The following DSCAM variants were observed in gnomAD, a reference collection of about 807,000 sequenced individuals.
The protein encoded by DSCAM is DS cell adhesion molecule.
In DSCAM, 47 loss-of-function variants were observed where a neutral mutation model predicts 217.7. The ratio of observed to expected loss-of-function variants is 0.22; its 90% CI spans 0.17 to 0.28. The LOEUF (loss-of-function observed/expected upper bound fraction) is 0.28. DSCAM is among the 10% of genes least tolerant of loss of function. The pLI is 1.00. For synonymous variants in DSCAM, 1,056 were observed against 1,015.3 expected, an observed-to-expected ratio of 1.04 and a Z score of -0.76; for missense variants, 2,080 against 2,618.3, an observed-to-expected ratio of 0.79 and a Z score of 4.49.
chr21:40,127,866 C>A (rs919826731), intron 19 of DSCAM, among the ~76,000 whole-genome samples: 7 of 152,114 alleles, frequency 4.6e-5, no homozygotes, highest in African/African-American at 1.7e-4. Context: ...CAACACTGAG[C>A]TCTGTTTCAG....
chr21:40,410,778 AAAGT>A, intron 3 of DSCAM, among the ~76,000 whole-genome samples: 1 of 152,172 alleles, frequency 6.6e-6, no homozygotes, highest in Middle Eastern at 3.4e-3. Flanking sequence ...AAAATTCAAA[AAAGT>A]AAGTAAAGTT....
intron 3 of DSCAM, among the ~76,000 whole-genome samples, chr21:40,616,178 G>A (rs1428892263): frequency 6.6e-6 from 1 of 152,194 alleles, no homozygotes; most frequent in African/African-American, 2.4e-5. Context: ...CAGAATGACT[G>A]GGAAGTTTTT....
intron 3 of DSCAM, among the ~76,000 whole-genome samples, chr21:40,376,963 G>C (rs954725058): frequency 4.6e-5 from 7 of 151,970 alleles, no homozygotes; most frequent in Non-Finnish European, 8.8e-5. Context: ...TTTGGAAATA[G>C]GGTCAGTCAC....
At chr21:40,104,529 G>C (rs1011839200) in intron 20 of DSCAM, among the ~76,000 whole-genome samples, 2 of 152,176 alleles carry the variant, frequency 1.3e-5, no homozygotes, top group Non-Finnish European at 1.5e-5. Flanking sequence ...TTTGGAGACA[G>C]TAAAAAGATC....
chr21:40,625,419 CTG>C (rs1309543121), intron 3 of DSCAM, among the ~76,000 whole-genome samples: 2 of 152,162 alleles, frequency 1.3e-5, no homozygotes, highest in Non-Finnish European at 1.5e-5. Context: ...GCCCACCATC[CTG>C]TGTCTAGGAG....
At chr21:40,510,259 AAAG>A (rs1412864649) in intron 3 of DSCAM, among the ~76,000 whole-genome samples, 1 of 152,216 alleles carries the variant, frequency 6.6e-6, no homozygotes, top group East Asian at 1.9e-4. Context: ...CTTCTAAAAA[AAAG>A]ACTATGAAAT....
intron 3 of DSCAM, among the ~76,000 whole-genome samples, chr21:40,435,778 C>T (rs2145904738): frequency 6.6e-6 from 1 of 152,282 alleles, no homozygotes; most frequent in African/African-American, 2.4e-5. Context: ...CAGTTCCTGT[C>T]CGATGGTTTG....
At chr21:40,184,953 A>G (rs1345889646) in intron 14 of DSCAM, among the ~76,000 whole-genome samples, 1 of 152,154 alleles carries the variant, frequency 6.6e-6, no homozygotes, top group Non-Finnish European at 1.5e-5. Context: ...ACAACGAGGA[A>G]GGCGTTTTCA....
chr21:40,774,988 ATAATTT>A (rs1052859672), intron 1 of DSCAM, among the ~76,000 whole-genome samples: 47 of 94,442 alleles, frequency 5.0e-4, no homozygotes, highest in African/African-American at 1.4e-3. Context: ...ACATATAATT[ATAATTT>A]TTACAAAATA....
chr21:40,114,307 T>C (rs1355578810), intron 20 of DSCAM, among the ~76,000 whole-genome samples: 1 of 150,006 alleles, frequency 6.7e-6, no homozygotes, highest in Non-Finnish European at 1.5e-5. Flanking sequence ...AAACAAGCAA[T>C]GGGGAAAGGA....
At chr21:40,137,726 T>C (rs905351050) in intron 18 of DSCAM, among the ~76,000 whole-genome samples, 12 of 152,022 alleles carry the variant, frequency 7.9e-5, no homozygotes, top group African/African-American at 2.9e-4. Context: ...AGAAATCAGA[T>C]TTTTTCTATT....
In DSCAM at chr21:40,697,930, T is replaced by C. The variant is rs115405290; in HGVS notation, c.362-4974A>G. Among the ~76,000 whole-genome samples the C allele has an allele frequency of 9.0e-3, 1,376 of 152,290 alleles. 21 individuals are homozygous for C. Among genetic ancestry groups the C allele is most frequent in the African/African-American group, 0.031 (1,304 of 41,544 alleles). ...TAGATCACTTTGAGTAGTATAGATA[T>C]TTTAACACTATTAATTCTTCCAATC... On this transcript the variant is annotated intron_variant, in intron 2 of 32. Coordinates refer to ENST00000400454, the MANE Select transcript of DSCAM (RefSeq NM_001389.5).
At chr21:40,295,579 G>A (rs2073945309) in intron 10 of DSCAM, among the ~76,000 whole-genome samples, 1 of 152,152 alleles carries the variant, frequency 6.6e-6, no homozygotes, top group African/African-American at 2.4e-5. Flanking sequence ...CGTGTAATCT[G>A]TATATTCTAA....
intron 11 of DSCAM, among the ~76,000 whole-genome samples, chr21:40,227,385 T>C (rs1468786421): frequency 1.3e-5 from 2 of 152,348 alleles, no homozygotes; most frequent in East Asian, 1.9e-4. Flanking sequence ...TTATGGCATG[T>C]TAACCAACTC....
At chr21:40,306,647 C>T (rs2074080509) in intron 9 of DSCAM, among the ~76,000 whole-genome samples, 2 of 151,568 alleles carry the variant, frequency 1.3e-5, no homozygotes, top group African/African-American at 2.4e-5. Flanking sequence ...GAGTTTTTAG[C>T]ATGAAGGGTT....
At chr21:40,616,911 G>A (rs2089403103) in intron 3 of DSCAM, among the ~76,000 whole-genome samples, 2 of 149,296 alleles carry the variant, frequency 1.3e-5, no homozygotes, top group African/African-American at 4.9e-5. Context: ...CAGCTACTTG[G>A]GAGGCTGAGG....
chr21:40,700,714 AT>A (rs2090646658), intron 2 of DSCAM, among the ~76,000 whole-genome samples: 1 of 148,772 alleles, frequency 6.7e-6, no homozygotes, highest in African/African-American at 2.5e-5. Context: ...TTTGTTTATA[AT>A]TTTTATTCTT....
intron 1 of DSCAM, among the ~76,000 whole-genome samples, chr21:40,840,749 C>T (rs78547905): frequency 2.8e-4 from 42 of 152,086 alleles, no homozygotes; most frequent in Non-Finnish European, 5.1e-4. Context: ...CAAAAGAGTC[C>T]AGTGGTTTAG....
chr21:40,235,179 C>T (rs888883805), intron 11 of DSCAM, among the ~76,000 whole-genome samples: 4 of 152,144 alleles, frequency 2.6e-5, no homozygotes, highest in Non-Finnish European at 5.9e-5. Context: ...CACCTTCAGC[C>T]CTACTGAGGC....
Sources: gnomAD v4.1 joint callset for allele counts (sites outside exome capture counted in the v4.1 genomes callset) on GRCh38, gnomAD v4.1.1 for gene constraint, MANE v1.5 for transcripts, NCBI Gene and HGNC (gene_info 2026-07-23, HGNC 2026-07-21) for gene names.